GALNTL6: variants seen among roughly 807,000 people sequenced by gnomAD.
The protein encoded by GALNTL6 is polypeptide N-acetylgalactosaminyltransferase-like 6.
Under a neutral mutation model 73.7 loss-of-function variants are expected in GALNTL6, and 46 were observed. That is an observed-to-expected ratio of 0.62 (90% CI 0.49 to 0.80). The LOEUF (loss-of-function observed/expected upper bound fraction) is 0.80, where lower values mean the gene tolerates loss of function less well. Ranked by LOEUF, GALNTL6 falls within the 30% of genes least tolerant of loss-of-function variation. GALNTL6 has a pLI of 0.00. For missense variants in GALNTL6, 604 were observed against 755.0 expected, an observed-to-expected ratio of 0.80 and a Z score of 2.34; for synonymous variants, 259 against 263.7, an observed-to-expected ratio of 0.98 and a Z score of 0.17.
At chr4:171,880,461 G>A (rs990953100) in intron 2 of GALNTL6, among the ~76,000 whole-genome samples, 18 of 152,264 alleles carry the variant, frequency 1.2e-4, no homozygotes, top group African/African-American at 3.4e-4. Context: ...GTTAAGAAAC[G>A]ATTGGGAAGA....
chr4:172,809,280 T>G lies in GALNTL6; in HGVS notation c.554-81T>G. On this transcript the variant is annotated intron_variant, in intron 5 of 12. Coordinates refer to ENST00000506823, the MANE Select transcript of GALNTL6 (RefSeq NM_001034845.3). This position sits in a 1 kb window ranked among gnomAD's most constrained non-coding sequence, Gnocchi z 4.4. ...CCCAGGATTCATCAGTCACATACTCTCTATGCACAAACAACCGTGAATAAT... is the reference window on the plus strand; with the variant it reads ...CCCAGGATTCATCAGTCACATACTCGCTATGCACAAACAACCGTGAATAAT... The G allele has an allele frequency of 9.0e-7, 1 of 1,116,774 alleles. No individual in the cohort carries two copies. Among genetic ancestry groups the G allele is most frequent in the Non-Finnish European group, 1.3e-6 (1 of 744,818 alleles). The allele number at this position is 1,116,774 out of a possible 1,614,324, so 69.2% of individuals were successfully genotyped here. A position where few individuals can be genotyped will look rare whatever the true frequency, so the allele number is the denominator to read the frequency against.
intron 3 of GALNTL6, among the ~76,000 whole-genome samples, chr4:172,268,031 G>C (rs983911688): frequency 6.6e-6 from 1 of 152,106 alleles, no homozygotes; most frequent in Non-Finnish European, 1.5e-5. Flanking sequence ...CCTTTTCTTA[G>C]GGATTAGAAA....
chr4:172,546,920 C>T (rs911972385), intron 5 of GALNTL6, among the ~76,000 whole-genome samples: 2 of 150,280 alleles, frequency 1.3e-5, no homozygotes, highest in East Asian at 3.9e-4. Flanking sequence ...CATTGTTGTG[C>T]AGTCATCACC....
chr4:172,269,889 T>C (rs926336747), intron 3 of GALNTL6, among the ~76,000 whole-genome samples: 1 of 151,930 alleles, frequency 6.6e-6, no homozygotes, highest in Admixed American at 6.6e-5. Flanking sequence ...GTAGCTGAGA[T>C]TATGGGTGCC....
chr4:172,781,562 C>G (rs1047685141), intron 5 of GALNTL6, among the ~76,000 whole-genome samples: 1 of 152,078 alleles, frequency 6.6e-6, no homozygotes, highest in African/African-American at 2.4e-5. Flanking sequence ...TCAGGAACAC[C>G]TGGAAAATCA....
intron 5 of GALNTL6, among the ~76,000 whole-genome samples, chr4:172,641,533 A>G (rs1739982537): frequency 6.6e-6 from 1 of 152,004 alleles, no homozygotes; most frequent in African/African-American, 2.4e-5. Flanking sequence ...ATTCTTCTGG[A>G]CAAACTGCTA....
At chr4:172,272,160 G>A (rs1183911835) in intron 3 of GALNTL6, among the ~76,000 whole-genome samples, 2 of 152,074 alleles carry the variant, frequency 1.3e-5, no homozygotes, top group African/African-American at 4.8e-5. Flanking sequence ...TTGCCATGTT[G>A]GCCATGCTGC....
chr4:172,771,785 C>T (rs1337914636), intron 5 of GALNTL6, among the ~76,000 whole-genome samples: 2 of 152,094 alleles, frequency 1.3e-5, no homozygotes, highest in South Asian at 2.1e-4. Context: ...CTTGAGTGAA[C>T]CTTAAATGCA....
chr4:172,042,206 G>T (rs1742104853), intron 2 of GALNTL6, among the ~76,000 whole-genome samples: 1 of 151,940 alleles, frequency 6.6e-6, no homozygotes, highest in African/African-American at 2.4e-5. Flanking sequence ...TTTGCTTTAA[G>T]CCCTATGAGT....
chr4:172,886,628 T>C (rs538071811), intron 8 of GALNTL6, among the ~76,000 whole-genome samples: 53 of 152,272 alleles, frequency 3.5e-4, no homozygotes, highest in African/African-American at 1.2e-3. Flanking sequence ...TTGGGCGTGG[T>C]GGCGCATGCC....
chr4:172,746,297 G>A (rs1428925108), intron 5 of GALNTL6, among the ~76,000 whole-genome samples: 3 of 132,014 alleles, frequency 2.3e-5, no homozygotes, highest in Non-Finnish European at 4.8e-5. Context: ...CTAATGCCTG[G>A]TGTATAGTAG....
chr4:172,385,823 GTTC>G (rs1743445861), intron 5 of GALNTL6, among the ~76,000 whole-genome samples: 1 of 151,450 alleles, frequency 6.6e-6, no homozygotes, highest in East Asian at 1.9e-4. Context: ...TTGCTTCTTT[GTTC>G]TTCTATTCTT....
At chr4:171,897,571 C>G (rs1736958249) in intron 2 of GALNTL6, among the ~76,000 whole-genome samples, 1 of 152,076 alleles carries the variant, frequency 6.6e-6, no homozygotes, top group African/African-American at 2.4e-5. Flanking sequence ...GCCTGCAATC[C>G]CAGCACTTTG....
intron 2 of GALNTL6, among the ~76,000 whole-genome samples, chr4:172,126,580 AAGTG>A (rs1733300957): frequency 6.6e-6 from 1 of 152,156 alleles, no homozygotes; most frequent in Non-Finnish European, 1.5e-5. Flanking sequence ...GGCAAAGGGT[AAGTG>A]AGTGACCCCA....
chr4:172,559,314 T>A (rs1219800477), intron 5 of GALNTL6, among the ~76,000 whole-genome samples: 1 of 152,162 alleles, frequency 6.6e-6, no homozygotes, highest in South Asian at 2.1e-4. Context: ...TCCACCCACC[T>A]CGGCCTCCCA....
chr4:172,443,399 C>G (rs1187621211), intron 5 of GALNTL6, among the ~76,000 whole-genome samples: 1 of 151,544 alleles, frequency 6.6e-6, no homozygotes. Flanking sequence ...CTCCTGACCT[C>G]AAGTGATCCA....
At chr4:172,738,724 G>A (rs1252830660) in intron 5 of GALNTL6, among the ~76,000 whole-genome samples, 1 of 152,146 alleles carries the variant, frequency 6.6e-6, no homozygotes, top group Non-Finnish European at 1.5e-5. Context: ...GGTGGTTGGG[G>A]CACAGCTTGG....
At chr4:172,333,874 G>A (rs1741218263) in intron 4 of GALNTL6, among the ~76,000 whole-genome samples, 1 of 152,156 alleles carries the variant, frequency 6.6e-6, no homozygotes, top group South Asian at 2.1e-4. Context: ...TGTGGTGAGA[G>A]ATAGGGGTCT....
intron 2 of GALNTL6, among the ~76,000 whole-genome samples, chr4:172,091,864 G>T (rs1732214308): frequency 6.6e-6 from 1 of 152,094 alleles, no homozygotes; most frequent in African/African-American, 2.4e-5. Flanking sequence ...AAAGAATCGG[G>T]AACATTTTAA....
Sources: gnomAD v4.1 joint callset for allele counts (sites outside exome capture counted in the v4.1 genomes callset) on GRCh38, gnomAD v4.1.1 for gene constraint, Gnocchi (gnomAD v3.1) non-coding constraint, MANE v1.5 for transcripts, NCBI Gene and HGNC (gene_info 2026-07-23, HGNC 2026-07-21) for gene names.